Variants in SNX25 observed in about 807,000 individuals in gnomAD.
SNX25 encodes sorting nexin 25, also known as sorting nexin-25.
In SNX25, 62 loss-of-function variants were observed where a neutral mutation model predicts 113.7. The observed-to-expected ratio is 0.55, with a 90% CI of 0.44 to 0.67. The LOEUF is 0.67. SNX25 is among the 30% of genes least tolerant of loss of function. SNX25 has a pLI of 0.00. For missense variants in SNX25, 1,014 were observed against 1,161.0 expected (o/e 0.87, Z 1.84); for synonymous variants, 421 against 436.2 (o/e 0.97, Z 0.43).
intron 1 of SNX25, among the ~76,000 whole-genome samples, chr4:185,220,561 A>T (rs1041874580): frequency 6.7e-6 from 1 of 148,958 alleles, no homozygotes; most frequent in African/African-American, 2.5e-5. Context: ...GGCTTACTAC[A>T]ACCTCTGCCT....
At chr4:185,262,362 T>G (rs1384924561) in intron 3 of SNX25, among the ~76,000 whole-genome samples, 1 of 152,230 alleles carries the variant, frequency 6.6e-6, no homozygotes, top group Non-Finnish European at 1.5e-5. Context: ...CTAAAAATGA[T>G]TGCTTTTATA....
At chr4:185,249,273 G>C (rs1360082453) in intron 2 of SNX25, among the ~76,000 whole-genome samples, 2 of 152,166 alleles carry the variant, frequency 1.3e-5, no homozygotes, top group Non-Finnish European at 2.9e-5. Context: ...GTTTATGAGA[G>C]TTCCGGTTGT....
At chr4:185,214,280 G>C (rs1738410586) in intron 1 of SNX25, among the ~76,000 whole-genome samples, 1 of 151,656 alleles carries the variant, frequency 6.6e-6, no homozygotes, top group South Asian at 2.1e-4. Context: ...GGGTGTCCTG[G>C]GCATGGTGAC....
In SNX25 at chr4:185,322,534, C is replaced by T. The variant is rs983558654; in HGVS notation, c.1477-994C>T. Among the ~76,000 whole-genome samples, 21 of 152,138 alleles carry T rather than the reference C, an allele frequency of 1.4e-4. 1 individual carries two copies. In the South Asian group the frequency reaches 3.9e-3, roughly 29 times the overall value. ...TGCCAAATATATTGTAAGTCACAAA[C>T]TATATTTGTTAAGGAACTAAATCCA... On this transcript the variant is annotated intron_variant, in intron 8 of 18. Coordinates refer to ENST00000652585, the MANE Select transcript of SNX25 (RefSeq NM_001378034.2).
At chr4:185,224,466 AATATATAAATATATAG>A (rs1400083533) in intron 1 of SNX25, among the ~76,000 whole-genome samples, 9 of 103,620 alleles carry the variant, frequency 8.7e-5, no homozygotes, top group Non-Finnish European at 1.7e-4. Context: ...TAGATATATA[AATATATAAATATATAG>A]ATATATAAAT....
At chr4:185,277,407 C>T (rs973009941) in intron 5 of SNX25, among the ~76,000 whole-genome samples, 1 of 152,214 alleles carries the variant, frequency 6.6e-6, no homozygotes, top group South Asian at 2.1e-4. Context: ...GTTGAAGGAA[C>T]GGTGGAGAAG....
At chr4:185,350,129 G>A (rs1274150978) in intron 13 of SNX25, among the ~76,000 whole-genome samples, 1 of 152,022 alleles carries the variant, frequency 6.6e-6, no homozygotes, top group Non-Finnish European at 1.5e-5. Context: ...GTACGTGAAT[G>A]CTGATGGTGT....
intron 13 of SNX25, among the ~76,000 whole-genome samples, chr4:185,350,500 T>C (rs2095309769): frequency 6.6e-6 from 1 of 152,230 alleles, no homozygotes; most frequent in Non-Finnish European, 1.5e-5. Context: ...TGTTCTTCTT[T>C]ACTCTCTCCT....
At chr4:185,301,950 A>C (rs1246636652) in intron 6 of SNX25, among the ~76,000 whole-genome samples, 2 of 150,406 alleles carry the variant, frequency 1.3e-5, no homozygotes, top group African/African-American at 2.5e-5. Context: ...CCCAGGCTGG[A>C]GTGCAATGGT....
chr4:185,315,711 C>G (rs1738096829), intron 7 of SNX25, among the ~76,000 whole-genome samples: 1 of 152,052 alleles, frequency 6.6e-6, no homozygotes, highest in Non-Finnish European at 1.5e-5. Flanking sequence ...TAGCACAATT[C>G]TAATACCAAA....
At chr4:185,333,036 T>G (rs1375327001) in intron 10 of SNX25, among the ~76,000 whole-genome samples, 10 of 152,244 alleles carry the variant, frequency 6.6e-5, no homozygotes. Context: ...CTTTCTCTTG[T>G]GCCAGGGTCA....
the SNX25 span, chr4:185,377,519 A>G: frequency 5.9e-6 from 1 of 168,360 alleles, no homozygotes; most frequent in East Asian, 1.6e-4. Context: ...ACTCCATCTC[A>G]AAACAACAAC....
In SNX25 at chr4:185,209,918, G is replaced by T; in HGVS notation, c.92G>T (p.Gly31Val). The T allele has an allele frequency of 1.1e-5, 11 of 983,302 alleles. No homozygotes were observed. Among genetic ancestry groups the T allele is most frequent in the Non-Finnish European group, 1.3e-5 (11 of 829,176 alleles). The allele number at this position is 983,302 out of a possible 1,614,324, so 60.9% of individuals were successfully genotyped here. A position where few individuals can be genotyped will look rare whatever the true frequency, so the allele number is the denominator to read the frequency against. ...GGCCGTCCTGTCTCGGGCTTCAGGG[G>T]CGAGCGGCGGCCGGAGTCCCCGGGG... ...AGGRPVSGFR[G>V]ERRPESPGDA... Residue 31 changes from glycine (G) to valine (V), a missense_variant, in exon 1 of 19, where the codon GGC becomes GTC. Gly to Val is a moderately radical substitution (Grantham distance 109, BLOSUM62 -3). Coordinates refer to ENST00000652585, the MANE Select transcript of SNX25 (RefSeq NM_001378034.2). This position sits in a 1 kb window ranked among gnomAD's most constrained non-coding sequence, Gnocchi z 5.2.
Position 185,279,747 on chromosome 4 carries a change from C to T in SNX25, c.1092-8265C>T, listed in dbSNP as rs527732081. 5.3e-5 allele frequency among the ~76,000 whole-genome samples: 8 copies of T among 152,102 alleles called. No homozygotes were observed. The South Asian group carries it at 1.7e-3, about 32-fold the overall frequency. ...CTGTTGGGAGGAGTATAAATTATTA[C>T]CTTTTTGTGACACAATTTTGTAGTG... is the stretch of plus-strand genomic sequence containing the variant. On this transcript the variant is annotated intron_variant, in intron 5 of 18. Coordinates refer to ENST00000652585, the MANE Select transcript of SNX25 (RefSeq NM_001378034.2).
At chr4:185,320,548 C>A (rs1371056052) in intron 7 of SNX25, among the ~76,000 whole-genome samples, 185 bp from the exon 8 acceptor site, 1 of 151,766 alleles carries the variant, frequency 6.6e-6, no homozygotes, top group Non-Finnish European at 1.5e-5. Context: ...CACATATATA[C>A]CTATGTAACA....
intron 2 of SNX25, among the ~76,000 whole-genome samples, chr4:185,256,624 CTTTTT>C (rs35160292): frequency 8.9e-6 from 1 of 112,584 alleles, no homozygotes. Context: ...ACCTAAATTT[CTTTTT>C]TTTTTTTTTT....
chr4:185,260,065 T>G (rs1747068854), intron 3 of SNX25, among the ~76,000 whole-genome samples: 1 of 152,174 alleles, frequency 6.6e-6, no homozygotes, highest in Non-Finnish European at 1.5e-5. Flanking sequence ...CTGTGAGAAA[T>G]TCACTTGATA....
Position 185,334,980 on chromosome 4 carries a change from C to G in SNX25, c.1914+2221C>G, listed in dbSNP as rs112207510. ...CTCTCCAGAAGAAGACATAGTCCTC[C>G]TTTTGTCGTTTACTTATGTTGGTAA... On this transcript the variant is annotated intron_variant, in intron 10 of 18. Coordinates refer to ENST00000652585, the MANE Select transcript of SNX25 (RefSeq NM_001378034.2). The surrounding 1 kb of genome is among the most constrained non-coding windows in gnomAD (Gnocchi z 4.2). 9.2e-5 allele frequency among the ~76,000 whole-genome samples: 14 copies of G among 152,256 alleles called. 1 individual carries two copies. Among genetic ancestry groups the G allele is most frequent in the African/African-American group, 3.1e-4 (13 of 41,538 alleles).
intron 15 of SNX25, 47 bp downstream of exon 15, chr4:185,353,649 A>C (rs1379641145): frequency 7.1e-7 from 1 of 1,409,086 alleles, no homozygotes. Flanking sequence ...GTTAAGTGGT[A>C]TATATAATCG....
Sources: allele counts gnomAD v4.1 joint callset (sites outside exome capture counted in the v4.1 genomes callset), GRCh38; gene constraint gnomAD v4.1.1; non-coding constraint Gnocchi (gnomAD v3.1); transcripts MANE v1.5; gene names NCBI Gene and HGNC (gene_info 2026-07-23, HGNC 2026-07-21).